MITF: variants seen among roughly 807,000 people sequenced by gnomAD.
MITF encodes the protein microphthalmia-associated transcription factor.
A neutral mutation model predicts 60.5 loss-of-function variants in MITF; 17 were observed. The ratio of observed to expected loss-of-function variants is 0.28; its 90% CI spans 0.19 to 0.42. The LOEUF (loss-of-function observed/expected upper bound fraction) is 0.42, where lower values mean the gene tolerates loss of function less well. Ranked by LOEUF, MITF falls within the 10% of genes least tolerant of loss-of-function variation. The pLI is 1.00. For synonymous variants in MITF, 260 were observed against 248.5 expected, an observed-to-expected ratio of 1.05 and a Z score of -0.43; for missense variants, 622 against 683.5, an observed-to-expected ratio of 0.91 and a Z score of 1.00.
intron 1 of MITF, among the ~76,000 whole-genome samples, chr3:69,767,264 G>A (rs1225778894): frequency 6.6e-6 from 1 of 152,126 alleles, no homozygotes; most frequent in Non-Finnish European, 1.5e-5. Flanking sequence ...GTAACTCAAA[G>A]TGACATAAGT....
intron 1 of MITF, chr3:69,763,884 AT>A: frequency 7.2e-7 from 1 of 1,379,588 alleles, no homozygotes; most frequent in Non-Finnish European, 9.7e-7. Flanking sequence ...CCCACGAGCT[AT>A]TTTCTCTCTC....
intron 1 of MITF, among the ~76,000 whole-genome samples, chr3:69,808,721 A>C (rs1432591030): frequency 6.6e-6 from 1 of 152,106 alleles, no homozygotes; most frequent in African/African-American, 2.4e-5. Flanking sequence ...GGTAGGGTTC[A>C]CACCATGCAG....
At chr3:69,873,534 G>C (rs1178359094) in intron 1 of MITF, among the ~76,000 whole-genome samples, 1 of 152,148 alleles carries the variant, frequency 6.6e-6, no homozygotes, top group Non-Finnish European at 1.5e-5. Context: ...TACCCATAAA[G>C]GGCCGTTGGA....
At chr3:69,842,508 A>T (rs1374924551) in intron 1 of MITF, among the ~76,000 whole-genome samples, 5 of 152,190 alleles carry the variant, frequency 3.3e-5, no homozygotes, top group Non-Finnish European at 5.9e-5. Flanking sequence ...CTGAAACTGG[A>T]TCAAAAATTA....
intron 1 of MITF, among the ~76,000 whole-genome samples, chr3:69,876,224 T>G (rs1575862194): frequency 1.3e-5 from 2 of 152,316 alleles, no homozygotes; most frequent in East Asian, 3.9e-4. Context: ...TCCCCCAGTA[T>G]CACAGCCAAT....
intron 5 of MITF, among the ~76,000 whole-genome samples, chr3:69,942,341 A>C (rs2065987755): frequency 1.3e-5 from 2 of 152,280 alleles, no homozygotes; most frequent in East Asian, 1.9e-4. Context: ...TTTTACCATA[A>C]TGAAATTTTT....
chr3:69,960,985 T>C (rs1293027788), intron 9 of MITF, among the ~76,000 whole-genome samples: 1 of 152,156 alleles, frequency 6.6e-6, no homozygotes, highest in African/African-American at 2.4e-5. Context: ...AGCCCTCCTT[T>C]CCCCTCCCCT....
intron 1 of MITF, among the ~76,000 whole-genome samples, chr3:69,786,771 G>C: frequency 6.6e-6 from 1 of 152,322 alleles, no homozygotes; most frequent in South Asian, 2.1e-4. Context: ...TTTAAAATTA[G>C]GGTTGGAGGA....
At chr3:69,859,633 A>G (rs1440346004) in intron 1 of MITF, among the ~76,000 whole-genome samples, 2 of 151,966 alleles carry the variant, frequency 1.3e-5, no homozygotes, top group Non-Finnish European at 2.9e-5. Flanking sequence ...AAATATTATA[A>G]TACCTTGACT....
chr3:69,771,875 T>C (rs2062399692), intron 1 of MITF, among the ~76,000 whole-genome samples: 1 of 152,136 alleles, frequency 6.6e-6, no homozygotes, highest in Admixed American at 6.6e-5. Flanking sequence ...GCTTGATGCA[T>C]GAGAGGGATT....
chr3:69,936,387 A>G (rs2065835222), intron 2 of MITF, among the ~76,000 whole-genome samples: 1 of 152,154 alleles, frequency 6.6e-6, no homozygotes, highest in Non-Finnish European at 1.5e-5. Flanking sequence ...AGTGAGTTTG[A>G]CTTTGATAGC....
At chr3:69,779,028 T>C (rs1332091557) in intron 1 of MITF, 2 of 152,212 alleles carry the variant, frequency 1.3e-5, no homozygotes, top group Non-Finnish European at 2.9e-5. Context: ...AAATGTTTAT[T>C]CACTCTTTTT....
At chr3:69,835,956 G>GT (rs1433462852) in intron 1 of MITF, among the ~76,000 whole-genome samples, 1 of 151,692 alleles carries the variant, frequency 6.6e-6, no homozygotes, top group Non-Finnish European at 1.5e-5. Flanking sequence ...GCTATTCTGG[G>GT]TTTTTTTGTG....
chr3:69,795,675 C>T (rs973915225), intron 1 of MITF, among the ~76,000 whole-genome samples: 7 of 152,084 alleles, frequency 4.6e-5, no homozygotes, highest in Non-Finnish European at 7.4e-5. Flanking sequence ...GCAGTGAGCC[C>T]TCTTTGCACC....
At position 69,965,039 on chromosome 3, in the gene MITF, A is replaced by G; in HGVS notation, c.1372A>G (p.Asn458Asp). 6.2e-7 allele frequency: 1 copy of G among 1,614,080 alleles called. No homozygotes were observed. Among genetic ancestry groups the G allele is most frequent in the East Asian group, 2.2e-5 (1 of 44,858 alleles). The change falls in exon 10 of 10, where the codon AAC becomes GAC. Residue 458 changes from asparagine (N) to aspartate (D), a missense_variant. Around this residue, in one of 5 missense-constraint regions of MITF, gnomAD observed 224 missense variants for 209.5 expected, o/e 1.07. Transcript: ENST00000352241. The part of the protein sequence containing the change: ...LDLTDGTITF[N>D]NNLGTGTEAN... The stretch of plus-strand genomic sequence containing the variant: ...TCTCACGGATGGCACCATCACCTTC[A>G]ACAACAACCTCGGAACTGGGACTGA...
chr3:69,833,400 G>A (rs918858914), intron 1 of MITF, among the ~76,000 whole-genome samples: 1 of 152,174 alleles, frequency 6.6e-6, no homozygotes, highest in African/African-American at 2.4e-5. Flanking sequence ...TGTTTACACT[G>A]TATGTGGTGG....
intron 1 of MITF, among the ~76,000 whole-genome samples, chr3:69,827,733 T>G (rs1176700569): frequency 6.8e-6 from 1 of 146,608 alleles, no homozygotes; most frequent in African/African-American, 2.5e-5. Flanking sequence ...TTATTTTCCC[T>G]TTTTTTTTTG....
intron 9 of MITF, among the ~76,000 whole-genome samples, chr3:69,961,328 G>A (rs2066539045): frequency 6.6e-6 from 1 of 151,542 alleles, no homozygotes; most frequent in South Asian, 2.1e-4. Context: ...GTTGCAGTGA[G>A]CCAAGATCGC....
At chr3:69,892,539 A>G (rs746201007) in intron 2 of MITF, among the ~76,000 whole-genome samples, 5 of 152,224 alleles carry the variant, frequency 3.3e-5, no homozygotes, top group Non-Finnish European at 7.3e-5. Context: ...CCATGATAGT[A>G]TCATAGACAG....
Sources: gnomAD v4.1 joint callset for allele counts (sites outside exome capture counted in the v4.1 genomes callset) on GRCh38, gnomAD v4.1.1 for gene constraint, gnomAD v4.1.1 regional missense constraint, MANE v1.5 for transcripts, NCBI Gene and HGNC (gene_info 2026-07-23, HGNC 2026-07-21) for gene names.